Variants in SCNN1G observed in about 807,000 individuals in gnomAD.
SCNN1G encodes the protein sodium channel epithelial 1 subunit gamma.
Under a neutral mutation model 64.6 loss-of-function variants are expected in SCNN1G, and 27 were observed. The observed-to-expected ratio is 0.42, with a 90% CI of 0.31 to 0.58. The LOEUF is 0.58. Among genes scored for constraint, SCNN1G ranks in the 20% least tolerant of loss-of-function variants. The probability of loss-of-function intolerance (pLI) is 0.18; values close to 1 mark genes in which losing one functional copy is unlikely to be tolerated. For missense variants in SCNN1G, 743 were observed against 823.4 expected, an observed-to-expected ratio of 0.90 and a Z score of 1.19; for synonymous variants, 330 against 314.2, an observed-to-expected ratio of 1.05 and a Z score of -0.53.
chr16:23,192,626 T>G, intron 4 of SCNN1G, 84 bp downstream of exon 4: 1 of 1,138,976 alleles, frequency 8.8e-7, no homozygotes, highest in Non-Finnish European at 1.3e-6. Context: ...ACAGCCTTGA[T>G]GATAGGTCTT....
Position 23,210,086 on chromosome 16 carries a change from G to A in SCNN1G, c.1176+238G>A, listed in dbSNP as rs4516235. 0.76 allele frequency among the ~76,000 whole-genome samples: 115,975 copies of A among 152,090 alleles called. 44,775 individuals carry two copies. Among genetic ancestry groups the A allele is most frequent in the East Asian group, 0.88 (4,534 of 5,154 alleles). On this transcript the variant is annotated intron_variant, in intron 7 of 12. Coordinates refer to ENST00000300061, the MANE Select transcript of SCNN1G (RefSeq NM_001039.4). ...GGAACTCAATGTACAGCTGAGACAG[G>A]CCCACCTCCTAAGTAGGCCTTGGCA... is the stretch of plus-strand genomic sequence containing the variant.
At chr16:23,211,900 T>C (rs541224071) in intron 7 of SCNN1G, 134 bp from the exon 8 acceptor site, 12 of 757,742 alleles carry the variant, frequency 1.6e-5, no homozygotes, top group South Asian at 2.8e-5. Context: ...CCCAGCCCAG[T>C]TGGCATAAGG....
At chr16:23,214,275 C>T (rs971321895) in intron 11 of SCNN1G, among the ~76,000 whole-genome samples, 1 of 152,206 alleles carries the variant, frequency 6.6e-6, no homozygotes, top group Non-Finnish European at 1.5e-5. Flanking sequence ...AGTTAGTTCA[C>T]ATAAAGTTCT....
chr16:23,215,059 C>G (rs1297273229), intron 12 of SCNN1G, 30 bp from the exon 13 acceptor site: 1 of 1,613,896 alleles, frequency 6.2e-7, no homozygotes. Context: ...GGAGGTTCCT[C>G]TTGATGGTGT....
intron 7 of SCNN1G, among the ~76,000 whole-genome samples, chr16:23,211,421 C>T (rs1220838163): frequency 1.3e-5 from 2 of 152,128 alleles, no homozygotes; most frequent in African/African-American, 2.4e-5. Flanking sequence ...TCTAATTTTC[C>T]CACTTATCTT....
intron 3 of SCNN1G, among the ~76,000 whole-genome samples, 162 bp from the exon 4 acceptor site, chr16:23,192,190 C>T (rs1226379013): frequency 3.3e-5 from 5 of 152,180 alleles, no homozygotes; most frequent in Non-Finnish European, 5.9e-5. Flanking sequence ...AGGATGATCA[C>T]TCCCAACCCC....
rs13306655 is a variant in SCNN1G at position 23,185,713 on chromosome 16, C to A, written c.-44-515C>A. The stretch of plus-strand genomic sequence containing the variant: ...CAGGAACATGATCTAAGGTGGCTGC[C>A]GGGAAATTTTCTTGGCAGATTTCAT... On this transcript the variant is annotated intron_variant, in intron 1 of 12. Transcript: ENST00000300061. Among the ~76,000 whole-genome samples, 25 of 152,238 alleles carry A rather than the reference C, an allele frequency of 1.6e-4. No homozygotes were observed. The East Asian group carries it at 4.8e-3, about 29-fold the overall frequency.
chr16:23,193,203 A>G (rs1215279414), intron 4 of SCNN1G, among the ~76,000 whole-genome samples: 1 of 152,122 alleles, frequency 6.6e-6, no homozygotes. Context: ...ACTGATGACT[A>G]AGAACCATCG....
chr16:23,215,720 G>A lies in SCNN1G; in HGVS notation c.*251G>A, dbSNP rs1486709798. The A allele has an allele frequency of 1.2e-5, 7 of 571,170 alleles. No individual in the cohort carries two copies. Among genetic ancestry groups the A allele is most frequent in the South Asian group, 8.0e-5 (4 of 50,034 alleles). 35.4% of individuals were successfully genotyped at this position (571,170 alleles called of 1,614,324 possible). A position where few individuals can be genotyped will look rare whatever the true frequency, so the allele number is the denominator to read the frequency against. On this transcript the variant is annotated 3_prime_UTR_variant, in exon 13 of 13. Coordinates refer to ENST00000300061, the MANE Select transcript of SCNN1G (RefSeq NM_001039.4). Reference sequence around the variant, plus strand: ...ATCCCGGGACCTGAACTATTAGCACGTCACTAGAGACTGGGAGCCGAGGCA... The same window carrying A: ...ATCCCGGGACCTGAACTATTAGCACATCACTAGAGACTGGGAGCCGAGGCA...
chr16:23,205,226 C>G (rs1391895073), intron 6 of SCNN1G, among the ~76,000 whole-genome samples: 2 of 152,156 alleles, frequency 1.3e-5, no homozygotes, highest in African/African-American at 4.8e-5. Context: ...GCTAGCCTGC[C>G]TGGTGCTCCC....
intron 2 of SCNN1G, among the ~76,000 whole-genome samples, chr16:23,187,100 C>A (rs1204837388): frequency 6.8e-6 from 1 of 146,898 alleles, no homozygotes; most frequent in Non-Finnish European, 1.5e-5. Context: ...CAGTACCTGG[C>A]CTTTTCTTTT....
intron 6 of SCNN1G, among the ~76,000 whole-genome samples, chr16:23,198,744 C>A (rs1959838037): frequency 1.3e-5 from 2 of 150,850 alleles, no homozygotes; most frequent in African/African-American, 4.9e-5. Flanking sequence ...GTCTCAAAAA[C>A]AAACAAACAA....
At chr16:23,208,790 T>C (rs1176691888) in intron 6 of SCNN1G, among the ~76,000 whole-genome samples, 1 of 151,484 alleles carries the variant, frequency 6.6e-6, no homozygotes, top group African/African-American at 2.4e-5. Context: ...AACGCTGGAT[T>C]GCAGTGGCAC....
At chr16:23,187,135 G>A (rs572293657) in intron 2 of SCNN1G, among the ~76,000 whole-genome samples, 1 of 147,596 alleles carries the variant, frequency 6.8e-6, no homozygotes, top group South Asian at 2.2e-4. Context: ...TGGAGGCAGG[G>A]TCTCACTCTG....
intron 7 of SCNN1G, among the ~76,000 whole-genome samples, 200 bp downstream of exon 7, chr16:23,210,048 C>T (rs775591738): frequency 6.6e-6 from 1 of 152,196 alleles, no homozygotes; most frequent in Non-Finnish European, 1.5e-5. Context: ...AATTGATACA[C>T]CGAGGTTTCT....
rs1960108535 is a variant in SCNN1G at position 23,213,180 on chromosome 16, C to T, written c.1493+17C>T. The T allele has an allele frequency of 6.3e-7, 1 of 1,596,478 alleles. No individual in the cohort carries two copies. The highest frequency in any genetic ancestry group is 8.6e-7 in the Non-Finnish European group (1 of 1,164,616). ...GCTCAACAAGTAAGTTACCTCTACC[C>T]TGTTCCTCTGTCTCTTCCCACCACA... is the stretch of plus-strand genomic sequence containing the variant. On this transcript the variant is annotated intron_variant, in intron 11 of 12. Transcript: ENST00000300061.
chr16:23,201,911 G>A (rs937322371), intron 6 of SCNN1G, among the ~76,000 whole-genome samples: 8 of 152,276 alleles, frequency 5.3e-5, no homozygotes, highest in African/African-American at 1.9e-4. Context: ...CGACCACCTG[G>A]GGTCATGGGA....
chr16:23,212,277 T>G (rs1960092422), intron 8 of SCNN1G, 126 bp downstream of exon 8: 1 of 735,104 alleles, frequency 1.4e-6, no homozygotes, highest in African/African-American at 1.7e-5. Flanking sequence ...TTGAGAGCCA[T>G]TAACTAGAGT....
intron 6 of SCNN1G, among the ~76,000 whole-genome samples, chr16:23,197,966 C>G (rs539870519): frequency 1.3e-5 from 2 of 152,140 alleles, no homozygotes; most frequent in South Asian, 2.1e-4. Flanking sequence ...ATTTATGGAA[C>G]CTATGCTGGA....
Sources: allele counts gnomAD v4.1 joint callset (sites outside exome capture counted in the v4.1 genomes callset), GRCh38; gene constraint gnomAD v4.1.1; transcripts MANE v1.5; gene names NCBI Gene and HGNC (gene_info 2026-07-23, HGNC 2026-07-21).